The following IGSF9B variants were observed in gnomAD, a reference collection of about 807,000 sequenced individuals.
The protein encoded by IGSF9B is immunoglobulin superfamily member 9B, also known as protein turtle homolog B.
A neutral mutation model predicts 143.7 loss-of-function variants in IGSF9B; 48 were observed. The observed-to-expected ratio is 0.33, with a 90% CI of 0.26 to 0.42. The LOEUF is 0.42. Among genes scored for constraint, IGSF9B ranks in the 20% least tolerant of loss-of-function variants. The pLI, the probability that IGSF9B is intolerant of heterozygous loss-of-function variation, is 1.00. For synonymous variants in IGSF9B, 903 were observed against 833.1 expected (o/e 1.08, Z -1.44); for missense variants, 1,706 against 1,980.0 (o/e 0.86, Z 2.63).
intron 1 of IGSF9B, among the ~76,000 whole-genome samples, chr11:133,955,067 T>G (rs1337745528): frequency 5.3e-5 from 8 of 152,210 alleles, no homozygotes; most frequent in Admixed American, 5.2e-4. Flanking sequence ...CTCTTTTCTA[T>G]TCAAAGATCC....
intron 12 of IGSF9B, among the ~76,000 whole-genome samples, chr11:133,927,579 C>T (rs895265901): frequency 6.6e-5 from 10 of 152,230 alleles, no homozygotes; most frequent in African/African-American, 2.2e-4. Flanking sequence ...AGACTGGAGT[C>T]ACCTGAGATG....
In IGSF9B at chr11:133,902,448, G is replaced by GACACACCACAC. The variant is rs747664339; in HGVS notation, c.*6610_*6620dup. On this transcript the variant is annotated 3_prime_UTR_variant, in exon 20 of 20. Coordinates refer to ENST00000533871, the MANE Select transcript of IGSF9B (RefSeq NM_001277285.4). The stretch of plus-strand genomic sequence containing the variant: ...CACACCACACCACACACACCACCCA[G>GACACACCACAC]ACACACCACACACAGATACACACAC... 5.9e-4 allele frequency among the ~76,000 whole-genome samples: 75 copies of GACACACCACAC among 127,540 alleles called. No homozygotes were observed. Among genetic ancestry groups the GACACACCACAC allele is most frequent in the African/African-American group, 2.3e-3 (72 of 30,740 alleles). The allele number at this position is 127,540 out of a possible 152,430, so 83.7% of individuals were successfully genotyped here.
In IGSF9B at chr11:133,937,376, C is replaced by T. The variant is rs1223690231; in HGVS notation, c.679G>A (p.Gly227Arg). The change falls in exon 5 of 20, where the codon GGG (glycine) becomes AGG (arginine). Residue 227 changes from glycine (G) to arginine (R), a missense_variant and splice_region_variant. Transcript: ENST00000533871. ...AAGAGGCTGAGGAAATGGCTCCTAC[C>T]TTGGACAAGCAGGTGAGTCGTGTGG... is the stretch of plus-strand genomic sequence containing the variant. ...AVHTTHLLVQ[G>R]PPFIVSPPEN... 1 of 1,607,952 alleles carries T rather than the reference C, an allele frequency of 6.2e-7. No homozygotes were observed. The highest frequency in any genetic ancestry group is 8.5e-7 in the Non-Finnish European group (1 of 1,175,232).
intron 6 of IGSF9B, 35 bp downstream of exon 6, chr11:133,936,018 G>C: frequency 6.2e-7 from 1 of 1,606,910 alleles, no homozygotes; most frequent in African/African-American, 1.3e-5. Flanking sequence ...GGCTGGGGTG[G>C]CAACCTCATT....
Position 133,921,127 on chromosome 11 carries a change from C to A in IGSF9B, c.2598G>T (p.Glu866Asp), listed in dbSNP as rs371884835. 47 of 1,613,614 alleles carry A rather than the reference C, an allele frequency of 2.9e-5. No individual in the cohort carries two copies. The highest frequency in any genetic ancestry group is 3.9e-5 in the Non-Finnish European group (46 of 1,179,868). The change falls in exon 18 of 20, where the codon GAG becomes GAT. Residue 866 changes from glutamate (E) to aspartate (D), a missense_variant. Coordinates refer to ENST00000533871, the MANE Select transcript of IGSF9B (RefSeq NM_001277285.4). The part of the protein sequence containing the change: ...GRFVMDPAEM[E>D]PSLKSRRIEG... ...CGATGCGCCTGCTCTTCAGCGAGGGCTCCATCTCGGCAGGGTCCATCACGA... is the reference window on the plus strand; with the variant it reads ...CGATGCGCCTGCTCTTCAGCGAGGGATCCATCTCGGCAGGGTCCATCACGA...
At chr11:133,937,609 C>T in intron 4 of IGSF9B, 116 bp from the exon 5 acceptor site, 4 of 1,002,022 alleles carry the variant, frequency 4.0e-6, no homozygotes, top group Non-Finnish European at 5.9e-6. Context: ...GGGACAGATG[C>T]ATCTGGGGGA....
rs1332768159 is a variant in IGSF9B, at chr11:133,907,907, G to C, written c.*1162C>G. ...AGAGAAGAGTCGGCAGGCAGCACGT[G>C]GTGAGTGCGGGAAAGCCACAGGCGG... On this transcript the variant is annotated 3_prime_UTR_variant, in exon 20 of 20. Coordinates refer to ENST00000533871, the MANE Select transcript of IGSF9B (RefSeq NM_001277285.4). Among the ~76,000 whole-genome samples the C allele has an allele frequency of 1.3e-5, 2 of 152,202 alleles. No homozygotes were observed. The highest frequency in any genetic ancestry group is 4.8e-5 in the African/African-American group (2 of 41,458).
rs113016039 is a variant in IGSF9B, at chr11:133,946,006, C to T, written c.262+55G>A. 5.0e-3 allele frequency: 6,371 copies of T among 1,280,994 alleles called. 107 individuals are homozygous for T. The highest frequency in any genetic ancestry group is 0.047 in the African/African-American group (3,170 of 67,530). The allele number at this position is 1,280,994 out of a possible 1,614,324, so 79.4% of individuals were successfully genotyped here. On this transcript the variant is annotated intron_variant, in intron 2 of 19. Coordinates refer to ENST00000533871, the MANE Select transcript of IGSF9B (RefSeq NM_001277285.4). ...AAGGCAGGGGCCAGAGGGGAACCAC[C>T]GAGGAGCTGACTCCAGCTGGGGAAG...
intron 5 of IGSF9B, among the ~76,000 whole-genome samples, 197 bp from the exon 6 acceptor site, chr11:133,936,391 C>G (rs951173926): frequency 1.3e-5 from 2 of 152,176 alleles, no homozygotes; most frequent in African/African-American, 4.8e-5. Flanking sequence ...CCAGGCTCCC[C>G]AGACCAGCCG....
In IGSF9B at chr11:133,903,080, C is replaced by T. The variant is rs879785132; in HGVS notation, c.*5989G>A. 2.0e-5 allele frequency among the ~76,000 whole-genome samples: 3 copies of T among 151,740 alleles called. No individual in the cohort carries two copies. Among genetic ancestry groups the T allele is most frequent in the Non-Finnish European group, 4.4e-5 (3 of 67,964 alleles). On this transcript the variant is annotated 3_prime_UTR_variant, in exon 20 of 20. Transcript: ENST00000533871. Reference sequence around the variant, plus strand: ...CCATCGTAAACCACGCACATGTTCACGATCCCTGGAGCCATACAGAAGTGG... The same window carrying T: ...CCATCGTAAACCACGCACATGTTCATGATCCCTGGAGCCATACAGAAGTGG...
chr11:133,952,393 G>C (rs1379260990), intron 1 of IGSF9B, among the ~76,000 whole-genome samples: 1 of 152,202 alleles, frequency 6.6e-6, no homozygotes, highest in East Asian at 1.9e-4. Flanking sequence ...CAGCACCAAG[G>C]GCACCGTGGC....
chr11:133,911,151 C>A (rs936521577), intron 19 of IGSF9B, among the ~76,000 whole-genome samples: 1 of 152,224 alleles, frequency 6.6e-6, no homozygotes, highest in Non-Finnish European at 1.5e-5. Context: ...CAGACTGCCA[C>A]AACACTCCTA....
chr11:133,942,751 C>T (rs370314435), intron 3 of IGSF9B, among the ~76,000 whole-genome samples: 30 of 152,312 alleles, frequency 2.0e-4, no homozygotes, highest in African/African-American at 5.8e-4. Context: ...GTTCCCTGCT[C>T]ACGCAACAGC....
rs1939112923 is a variant in IGSF9B, at chr11:133,901,179, A to G, written c.*7890T>C. 1 of 152,122 alleles carries G rather than the reference A, an allele frequency of 6.6e-6. No homozygotes were observed. The highest frequency in any genetic ancestry group is 1.5e-5 in the Non-Finnish European group (1 of 68,020). The allele number at this position is 152,122 out of a possible 1,614,324, so 9.4% of individuals were successfully genotyped here. A position where few individuals can be genotyped will look rare whatever the true frequency, so the allele number is the denominator to read the frequency against. ...CCTTCAGCTCACTTGTCCTTCCTGC[A>G]GGTGGGTTATTTGTTTTGTTATTTT... On this transcript the variant is annotated 3_prime_UTR_variant, in exon 20 of 20. Coordinates refer to ENST00000533871, the MANE Select transcript of IGSF9B (RefSeq NM_001277285.4).
intron 1 of IGSF9B, among the ~76,000 whole-genome samples, chr11:133,955,147 G>A (rs1000338923): frequency 2.0e-5 from 3 of 152,074 alleles, no homozygotes; most frequent in Non-Finnish European, 2.9e-5. Context: ...AGGGGAGGAG[G>A]ATGCGGGCAT....
rs138772163 is a variant in IGSF9B at position 133,913,704 on chromosome 11, C to T, written c.3984-1697G>A. Among the ~76,000 whole-genome samples, 249 of 152,292 alleles carry T rather than the reference C, an allele frequency of 1.6e-3. No individual in the cohort carries two copies. The highest frequency in any genetic ancestry group is 6.6e-3 in the South Asian group (32 of 4,824). Reference sequence around the variant, plus strand: ...CAGTCTACCCAGAGAGATCCTACAGCGCAGCAGCAGCTGGGAAGGAAGCGG... The same window carrying T: ...CAGTCTACCCAGAGAGATCCTACAGTGCAGCAGCAGCTGGGAAGGAAGCGG... On this transcript the variant is annotated intron_variant, in intron 18 of 19. Transcript: ENST00000533871. The surrounding 1 kb of genome is among the most constrained non-coding windows in gnomAD (Gnocchi z 4.6).
intron 5 of IGSF9B, among the ~76,000 whole-genome samples, chr11:133,936,642 C>A (rs971263751): frequency 1.3e-5 from 2 of 152,190 alleles, no homozygotes; most frequent in Non-Finnish European, 2.9e-5. Flanking sequence ...AAGGGGGCAG[C>A]TGCGGCCAAG....
Position 133,904,979 on chromosome 11 carries a change from A to C in IGSF9B, c.*4090T>G, listed in dbSNP as rs1225657952. On this transcript the variant is annotated 3_prime_UTR_variant, in exon 20 of 20. Transcript: ENST00000533871. The stretch of plus-strand genomic sequence containing the variant: ...TAGATCCACTTTATATGAAGAAGAT[A>C]CCCAGGCAGGGCTGGGTTAGAAGCC... 1.3e-5 allele frequency among the ~76,000 whole-genome samples: 2 copies of C among 150,044 alleles called. No individual in the cohort carries two copies. Among genetic ancestry groups the C allele is most frequent in the Non-Finnish European group, 3.0e-5 (2 of 67,752 alleles).
intron 1 of IGSF9B, among the ~76,000 whole-genome samples, chr11:133,946,754 G>C (rs1940059431): frequency 6.6e-6 from 1 of 152,242 alleles, no homozygotes; most frequent in African/African-American, 2.4e-5. Flanking sequence ...AAATGACAGA[G>C]CCAGCCTTCC....
Sources: allele counts gnomAD v4.1 joint callset (sites outside exome capture counted in the v4.1 genomes callset), GRCh38; gene constraint gnomAD v4.1.1; non-coding constraint Gnocchi (gnomAD v3.1); transcripts MANE v1.5; gene names NCBI Gene and HGNC (gene_info 2026-07-23, HGNC 2026-07-21).